VAV1: variants seen among roughly 807,000 people sequenced by gnomAD.
VAV1 encodes the protein vav guanine nucleotide exchange factor 1, also known as proto-oncogene vav.
A neutral mutation model predicts 128.1 loss-of-function variants in VAV1; 33 were observed. The ratio of observed to expected loss-of-function variants is 0.26; its 90% CI spans 0.20 to 0.34. The LOEUF (loss-of-function observed/expected upper bound fraction) is 0.34, where lower values mean the gene tolerates loss of function less well. Ranked by LOEUF, VAV1 falls within the 10% of genes least tolerant of loss-of-function variation. The pLI is 1.00. For synonymous variants in VAV1, 394 were observed against 409.8 expected (o/e 0.96, Z 0.47); for missense variants, 715 against 1,093.7 (o/e 0.65, Z 4.88).
At chr19:6,847,878 C>T (rs1972563004) in intron 22 of VAV1, 120 bp from the exon 23 acceptor site, 10 of 895,024 alleles carry the variant, frequency 1.1e-5, no homozygotes, top group Non-Finnish European at 1.6e-5. Context: ...GCTGTTAGAG[C>T]CAGGCTGTCA....
chr19:6,838,132 T>TATCTATCC (rs1555705108), intron 21 of VAV1, among the ~76,000 whole-genome samples: 3 of 150,414 alleles, frequency 2.0e-5, no homozygotes, highest in Non-Finnish European at 4.4e-5. Flanking sequence ...TCTATCTATC[T>TATCTATCC]ATCCATGCAT....
intron 1 of VAV1, among the ~76,000 whole-genome samples, chr19:6,805,745 T>C (rs1237762259): frequency 6.7e-6 from 1 of 149,530 alleles, no homozygotes; most frequent in Non-Finnish European, 1.5e-5. Flanking sequence ...CTCACACATA[T>C]GTGTATATAT....
chr19:6,784,904 C>A (rs1053058307), intron 1 of VAV1, among the ~76,000 whole-genome samples: 6 of 152,032 alleles, frequency 3.9e-5, no homozygotes, highest in Admixed American at 6.6e-5. Context: ...CTACTCACAG[C>A]CCTTCCCTGG....
rs772426650 is a variant in VAV1, at chr19:6,825,324, C to T, written c.745C>T (p.His249Tyr). The change falls in exon 8 of 27, where the codon CAC becomes TAC. Residue 249 changes from histidine (H) to tyrosine (Y), a missense_variant. His to Tyr is a moderately conservative substitution (Grantham distance 83). Around this residue, in one of 3 missense-constraint regions of VAV1, gnomAD observed 302 missense variants for 477.8 expected, o/e 0.63. Transcript: ENST00000602142. ...GTAGGACCTGCTTCGTGTTCATACTCACTTCCTAAAGGAGATGAAGGAAGC... is the reference window on the plus strand; with the variant it reads ...GTAGGACCTGCTTCGTGTTCATACTTACTTCCTAAAGGAGATGAAGGAAGC... ...NIEDLLRVHT[H>Y]FLKEMKEALG... The T allele has an allele frequency of 1.2e-6, 2 of 1,613,090 alleles. No homozygotes were observed. Among genetic ancestry groups the T allele is most frequent in the South Asian group, 1.1e-5 (1 of 91,038 alleles).
intron 1 of VAV1, chr19:6,816,455 C>A (rs2144759695): frequency 6.7e-6 from 1 of 148,832 alleles, no homozygotes; most frequent in South Asian, 2.1e-4. Context: ...TCGCTGCACT[C>A]CAGCCTGGAC....
At chr19:6,806,002 G>T (rs1971388919) in intron 1 of VAV1, among the ~76,000 whole-genome samples, 1 of 152,106 alleles carries the variant, frequency 6.6e-6, no homozygotes, top group African/African-American at 2.4e-5. Context: ...ATGCTCCCAA[G>T]AAGTTTGCAA....
At chr19:6,805,497 C>T (rs1043829829) in intron 1 of VAV1, among the ~76,000 whole-genome samples, 1 of 150,778 alleles carries the variant, frequency 6.6e-6, no homozygotes, top group African/African-American at 2.4e-5. Flanking sequence ...ATCCCAGGAC[C>T]TTAGGAGGCT....
intron 22 of VAV1, among the ~76,000 whole-genome samples, chr19:6,844,921 G>C (rs1911318874): frequency 6.6e-6 from 1 of 152,050 alleles, no homozygotes; most frequent in African/African-American, 2.4e-5. Context: ...CTAAAGACAG[G>C]ATCCAATAGA....
chr19:6,829,971 C>A (rs2144785551), intron 14 of VAV1, 53 bp downstream of exon 14: 1 of 1,610,600 alleles, frequency 6.2e-7, no homozygotes. Flanking sequence ...GGCAGCTTAG[C>A]CCTCTCCACT....
intron 1 of VAV1, among the ~76,000 whole-genome samples, chr19:6,801,948 C>T (rs1971281211): frequency 6.6e-6 from 1 of 152,156 alleles, no homozygotes; most frequent in Non-Finnish European, 1.5e-5. Context: ...GGCACGATGC[C>T]AGCACAGTGG....
intron 26 of VAV1, among the ~76,000 whole-genome samples, chr19:6,855,261 C>T (rs1461657570): frequency 6.6e-6 from 1 of 152,136 alleles, no homozygotes; most frequent in East Asian, 1.9e-4. Flanking sequence ...TGGATAATTG[C>T]ATCGATGAGG....
At chr19:6,785,809 ACCAC>A (rs1970879386) in intron 1 of VAV1, among the ~76,000 whole-genome samples, 1 of 150,972 alleles carries the variant, frequency 6.6e-6, no homozygotes, top group South Asian at 2.1e-4. Flanking sequence ...ATAGGGACGC[ACCAC>A]CACACCCAGC....
chr19:6,805,583 T>TATACAC (rs370624141), intron 1 of VAV1, among the ~76,000 whole-genome samples: 196 of 139,090 alleles, frequency 1.4e-3, no homozygotes, highest in African/African-American at 4.7e-3. Flanking sequence ...TTTCTACAGA[T>TATACAC]ACACACACAC....
In VAV1 at chr19:6,826,520, C is replaced by T; in HGVS notation, c.828-92C>T. The T allele has an allele frequency of 1.1e-6, 1 of 912,570 alleles. No homozygotes were observed. The highest frequency in any genetic ancestry group is 1.4e-5 in the South Asian group (1 of 71,096). The allele number at this position is 912,570 out of a possible 1,614,324, so 56.5% of individuals were successfully genotyped here. ...GAAACTGGGACTCAGGTTTCTTCTC[C>T]AGCGGGGAAGAGCAAGGCCAGGGCT... On this transcript the variant is annotated intron_variant, in intron 8 of 26. Transcript: ENST00000602142. The surrounding 1 kb of genome is among the most constrained non-coding windows in gnomAD (Gnocchi z 4.1).
At chr19:6,786,337 CT>C (rs1970893430) in intron 1 of VAV1, among the ~76,000 whole-genome samples, 2 of 152,134 alleles carry the variant, frequency 1.3e-5, no homozygotes, top group Admixed American at 1.3e-4. Context: ...TAGCTTGTAT[CT>C]GTAGTCCCAG....
chr19:6,847,793 T>C (rs1195428839), intron 22 of VAV1, among the ~76,000 whole-genome samples: 3 of 152,232 alleles, frequency 2.0e-5, no homozygotes, highest in African/African-American at 7.2e-5. Flanking sequence ...AGTGGTGACC[T>C]GTAGAAGTGG....
intron 1 of VAV1, among the ~76,000 whole-genome samples, chr19:6,804,573 C>T (rs574411097): frequency 4.0e-5 from 6 of 151,246 alleles, no homozygotes; most frequent in East Asian, 2.0e-4. Flanking sequence ...CGTGCCACCA[C>T]GCCTGACTAA....
At position 6,777,167 on chromosome 19, in the gene VAV1, G is replaced by A. The variant is rs945770389; in HGVS notation, c.204+4156G>A. On this transcript the variant is annotated intron_variant, in intron 1 of 26. Coordinates refer to ENST00000602142, the MANE Select transcript of VAV1 (RefSeq NM_005428.4). The surrounding 1 kb of genome is among the most constrained non-coding windows in gnomAD (Gnocchi z 4.4). ...CATCCATCCATCCACTCATCCACCC[G>A]TCTACTCATCTATCCATTCATCTAC... is the stretch of plus-strand genomic sequence containing the variant. Among the ~76,000 whole-genome samples the A allele has an allele frequency of 4.7e-5, 7 of 150,072 alleles. No individual in the cohort carries two copies. The highest frequency in any genetic ancestry group is 7.4e-5 in the African/African-American group (3 of 40,644).
At chr19:6,794,157 C>T (rs1971077333) in intron 1 of VAV1, among the ~76,000 whole-genome samples, 3 of 120,894 alleles carry the variant, frequency 2.5e-5, no homozygotes, top group African/African-American at 1.0e-4. Context: ...GGGTAAATGT[C>T]ACTCATTGAT....
Sources: gnomAD v4.1 joint callset for allele counts (sites outside exome capture counted in the v4.1 genomes callset) on GRCh38, gnomAD v4.1.1 for gene constraint, gnomAD v4.1.1 regional missense constraint, Gnocchi (gnomAD v3.1) non-coding constraint, MANE v1.5 for transcripts, NCBI Gene and HGNC (gene_info 2026-07-23, HGNC 2026-07-21) for gene names.